The following ROBO2 variants were observed in gnomAD, a reference collection of about 807,000 sequenced individuals.
ROBO2 encodes the protein roundabout homolog 2.
A neutral mutation model predicts 160.8 loss-of-function variants in ROBO2; 53 were observed. The ratio of observed to expected loss-of-function variants is 0.33; its 90% CI spans 0.26 to 0.41. The LOEUF (loss-of-function observed/expected upper bound fraction) is 0.41. Ranked by LOEUF, ROBO2 falls within the 10% of genes least tolerant of loss-of-function variation. ROBO2 has a pLI of 1.00. For missense variants in ROBO2, 1,577 were observed against 1,722.4 expected, an observed-to-expected ratio of 0.92 and a Z score of 1.49; for synonymous variants, 664 against 611.7, an observed-to-expected ratio of 1.09 and a Z score of -1.26.
At chr3:77,094,135 C>T (rs186524519) in intron 1 of ROBO2, among the ~76,000 whole-genome samples, 1 of 152,074 alleles carries the variant, frequency 6.6e-6, no homozygotes, top group Non-Finnish European at 1.5e-5. Flanking sequence ...CAGCACTTGC[C>T]CAGACCCCCT....
At chr3:76,593,666 T>C (rs965579377) in intron 2 of ROBO2, among the ~76,000 whole-genome samples, 3 of 152,084 alleles carry the variant, frequency 2.0e-5, no homozygotes, top group Non-Finnish European at 2.9e-5. Context: ...TATCATCTGA[T>C]ATTTTTTCAG....
intron 2 of ROBO2, among the ~76,000 whole-genome samples, chr3:77,387,441 C>T (rs1051622073): frequency 4.0e-5 from 6 of 151,692 alleles, no homozygotes; most frequent in African/African-American, 1.5e-4. Flanking sequence ...CATGTTGGGT[C>T]CAGTTGGTCT....
At chr3:76,375,229 T>C (rs907205293) in intron 2 of ROBO2, among the ~76,000 whole-genome samples, 1 of 151,952 alleles carries the variant, frequency 6.6e-6, no homozygotes, top group Non-Finnish European at 1.5e-5. Flanking sequence ...TGTTAGAAAG[T>C]TTTCTGTATT....
chr3:76,321,846 C>G (rs1026400944), intron 2 of ROBO2, among the ~76,000 whole-genome samples: 1 of 152,064 alleles, frequency 6.6e-6, no homozygotes, highest in African/African-American at 2.4e-5. Flanking sequence ...ATTCTGTGTG[C>G]GTTACCTGGG....
chr3:77,563,263 C>G, exon 11 of ROBO2: 9 of 1,613,682 alleles, frequency 5.6e-6, no homozygotes, highest in Non-Finnish European at 7.6e-6. Flanking sequence ...AACAGTGTCA[C>G]CTTGTCCTGG....
intron 1 of ROBO2, among the ~76,000 whole-genome samples, chr3:77,072,002 C>T (rs1224813110): frequency 1.3e-5 from 2 of 152,104 alleles, no homozygotes; most frequent in African/African-American, 4.8e-5. Flanking sequence ...AGGATGTGAG[C>T]GGTGGGTGAG....
At chr3:77,451,377 A>G (rs1292827130) in intron 2 of ROBO2, among the ~76,000 whole-genome samples, 1 of 152,106 alleles carries the variant, frequency 6.6e-6, no homozygotes, top group Non-Finnish European at 1.5e-5. Context: ...TAAAATTATT[A>G]TGATTTTATA....
At chr3:76,981,471 G>A (rs2060094065) in intron 2 of ROBO2, among the ~76,000 whole-genome samples, 1 of 152,118 alleles carries the variant, frequency 6.6e-6, no homozygotes, top group Admixed American at 6.6e-5. Flanking sequence ...TTGTTCATAT[G>A]TATATCTTCT....
intron 2 of ROBO2, among the ~76,000 whole-genome samples, chr3:76,590,760 C>A (rs1259600048): frequency 6.6e-6 from 1 of 151,894 alleles, no homozygotes; most frequent in East Asian, 1.9e-4. Context: ...TTTTGTATAG[C>A]TTATTGACAC....
chr3:76,730,077 A>G (rs2093611490), intron 2 of ROBO2, among the ~76,000 whole-genome samples: 1 of 152,028 alleles, frequency 6.6e-6, no homozygotes, highest in Admixed American at 6.6e-5. Flanking sequence ...ATCTATTAGT[A>G]TTATCCTTTC....
intron 2 of ROBO2, among the ~76,000 whole-genome samples, chr3:77,171,761 C>A (rs1191793116): frequency 1.3e-5 from 2 of 152,208 alleles, no homozygotes; most frequent in African/African-American, 4.8e-5. Context: ...ACCAGATTTT[C>A]TATAAAGATT....
At chr3:76,609,345 C>A (rs1412952192) in intron 2 of ROBO2, among the ~76,000 whole-genome samples, 1 of 152,016 alleles carries the variant, frequency 6.6e-6, no homozygotes, top group Non-Finnish European at 1.5e-5. Flanking sequence ...TATTCTTGGT[C>A]TTTTGTGGTT....
intron 2 of ROBO2, among the ~76,000 whole-genome samples, chr3:76,803,003 T>C (rs896481979): frequency 1.3e-5 from 2 of 152,152 alleles, no homozygotes; most frequent in Non-Finnish European, 2.9e-5. Flanking sequence ...TTCAAGATCA[T>C]GGATAAATAC....
chr3:75,979,160 A>T (rs1293316277), intron 2 of ROBO2, among the ~76,000 whole-genome samples: 1 of 151,574 alleles, frequency 6.6e-6, no homozygotes, highest in Admixed American at 6.6e-5. Context: ...TAAGCCATTA[A>T]ATTTGGAGGT....
chr3:76,131,037 A>G (rs1397269479), intron 2 of ROBO2, among the ~76,000 whole-genome samples: 1 of 152,160 alleles, frequency 6.6e-6, no homozygotes, highest in African/African-American at 2.4e-5. Flanking sequence ...TAAAATGAGA[A>G]CTTATCTTAG....
intron 2 of ROBO2, among the ~76,000 whole-genome samples, chr3:76,035,777 A>G (rs1158172512): frequency 1.3e-5 from 2 of 152,004 alleles, no homozygotes; most frequent in African/African-American, 2.4e-5. Flanking sequence ...GATTGAAAAC[A>G]ATCTCATCAA....
intron 2 of ROBO2, among the ~76,000 whole-genome samples, chr3:76,451,136 G>C (rs930013016): frequency 6.6e-6 from 1 of 152,094 alleles, no homozygotes; most frequent in African/African-American, 2.4e-5. Context: ...ATCTGAAGGC[G>C]ACACGTTACT....
chr3:77,484,082 A>T (rs1006784237), intron 4 of ROBO2, among the ~76,000 whole-genome samples: 2 of 151,996 alleles, frequency 1.3e-5, no homozygotes. Flanking sequence ...TACTCCATGA[A>T]TCACATATTG....
intron 2 of ROBO2, among the ~76,000 whole-genome samples, chr3:76,699,667 A>C (rs2093006387): frequency 6.6e-6 from 1 of 152,156 alleles, no homozygotes; most frequent in Non-Finnish European, 1.5e-5. Flanking sequence ...TTTTAAAAGC[A>C]CATATCCTTT....
Sources: gnomAD v4.1 joint callset for allele counts (sites outside exome capture counted in the v4.1 genomes callset) on GRCh38, gnomAD v4.1.1 for gene constraint, MANE v1.5 for transcripts, NCBI Gene and HGNC (gene_info 2026-07-23, HGNC 2026-07-21) for gene names.